Variants in AGBL2 observed in about 807,000 individuals in gnomAD.
The protein encoded by AGBL2 is AGBL carboxypeptidase 2.
A neutral mutation model predicts 103.0 loss-of-function variants in AGBL2; 87 were observed. That is an observed-to-expected ratio of 0.84 (90% CI 0.71 to 1.01). AGBL2 has a LOEUF of 1.01. Among genes scored for constraint, AGBL2 ranks in the 50% least tolerant of loss-of-function variants. The probability of loss-of-function intolerance (pLI) is 0.00; values close to 1 mark genes in which losing one functional copy is unlikely to be tolerated. For missense variants in AGBL2, 904 were observed against 1,023.5 expected, an observed-to-expected ratio of 0.88 and a Z score of 1.59; for synonymous variants, 335 against 356.7, an observed-to-expected ratio of 0.94 and a Z score of 0.69.
Position 47,714,225 on chromosome 11 carries a change from C to T in AGBL2, c.97+59G>A, listed in dbSNP as rs183610669. 5 of 1,362,362 alleles carry T rather than the reference C, an allele frequency of 3.7e-6. No homozygotes were observed. In the Admixed American group the frequency reaches 7.0e-5, roughly 19 times the overall value. The allele number at this position is 1,362,362 out of a possible 1,614,324, so 84.4% of individuals were successfully genotyped here. On this transcript the variant is annotated intron_variant, in intron 3 of 18. Coordinates refer to ENST00000525123, the MANE Select transcript of AGBL2 (RefSeq NM_024783.4). ...ACCCAAGTGCAACCCTCCCAGCTAA[C>T]GAAGCAATTTTCCTCTTGAGTCCAG...
chr11:47,662,998 A>C, intron 18 of AGBL2, 28 bp downstream of exon 18: 1 of 1,477,196 alleles, frequency 6.8e-7, no homozygotes, highest in Non-Finnish European at 9.3e-7. Flanking sequence ...CTGGCATATA[A>C]GTATATACAG....
chr11:47,707,474 T>C (rs751851243), intron 4 of AGBL2, among the ~76,000 whole-genome samples: 2 of 152,168 alleles, frequency 1.3e-5, no homozygotes, highest in Non-Finnish European at 2.9e-5. Flanking sequence ...AGAGAGCTTG[T>C]GCAGGGAAAC....
Position 47,681,994 on chromosome 11 carries a change from C to T in AGBL2, c.1890G>A (p.Glu630=). 3 of 1,614,108 alleles carry T rather than the reference C, an allele frequency of 1.9e-6. No individual in the cohort carries two copies. The highest frequency in any genetic ancestry group is 2.5e-6 in the Non-Finnish European group (3 of 1,180,010). The change falls in exon 12 of 19, where the codon GAG becomes GAA. Residue 630 remains glutamate, a synonymous_variant. Transcript: ENST00000525123. ...RMGILNSYTM[E]STFGGSTLGN... ...CCAGGGTGGACCCGCCAAAGGTAGA[C>T]TCCATGGTGTAGCTGTTTAGGATTC...
intron 14 of AGBL2, among the ~76,000 whole-genome samples, chr11:47,676,813 C>CAAAAAAAA (rs566335901): frequency 5.7e-5 from 4 of 69,818 alleles, no homozygotes; most frequent in Non-Finnish European, 9.1e-5. Flanking sequence ...GCCTCCATCT[C>CAAAAAAAA]AAAAAAAAAA....
At position 47,667,627 on chromosome 11, in the gene AGBL2, C is replaced by A; in HGVS notation, c.2284G>T (p.Glu762Ter). The change falls in exon 16 of 19, where the codon GAG becomes TAG. Residue 762 changes from glutamate to a stop codon, truncating the protein, a stop_gained. Coordinates refer to ENST00000525123, the MANE Select transcript of AGBL2 (RefSeq NM_024783.4). LOFTEE classifies it high-confidence loss of function. ...ATCAAATTTTTTTTCTGATACTGCT[C>A]ATTTCGCTGTTTCCTAGTCTGAAGT... ...KSLQTRKQRN[E>*]QYQKKNLMQK... The A allele has an allele frequency of 6.2e-7, 1 of 1,613,836 alleles. No homozygotes were observed. Among genetic ancestry groups the A allele is most frequent in the Non-Finnish European group, 8.5e-7 (1 of 1,179,838 alleles).
chr11:47,666,196 C>T (rs1381295961), intron 17 of AGBL2, among the ~76,000 whole-genome samples: 1 of 151,662 alleles, frequency 6.6e-6, no homozygotes, highest in Non-Finnish European at 1.5e-5. Context: ...CAGTTTGAGA[C>T]CAGCCTGGGC....
chr11:47,670,093 G>T (rs552875002), intron 14 of AGBL2, among the ~76,000 whole-genome samples: 15 of 152,358 alleles, frequency 9.8e-5, no homozygotes, highest in Non-Finnish European at 2.2e-4. Context: ...CTTGGTGGAG[G>T]TTGTGAGAGG....
chr11:47,691,878 CA>C (rs2153804350), intron 9 of AGBL2, among the ~76,000 whole-genome samples: 1 of 149,272 alleles, frequency 6.7e-6, no homozygotes, highest in South Asian at 2.1e-4. Flanking sequence ...TTTACTAATA[CA>C]AATTTTAGGT....
chr11:47,697,508 G>A (rs1184566941), intron 8 of AGBL2, among the ~76,000 whole-genome samples: 1 of 149,856 alleles, frequency 6.7e-6, no homozygotes, highest in African/African-American at 2.5e-5. Context: ...AAAGTGCTGG[G>A]ATTACAGGCG....
At chr11:47,685,298 T>C (rs1290881103) in intron 11 of AGBL2, among the ~76,000 whole-genome samples, 1 of 152,158 alleles carries the variant, frequency 6.6e-6, no homozygotes, top group Non-Finnish European at 1.5e-5. Flanking sequence ...TGTTTAGTAG[T>C]GGCAGGGGTC....
chr11:47,669,627 C>T (rs752697356), intron 14 of AGBL2, among the ~76,000 whole-genome samples: 8 of 151,766 alleles, frequency 5.3e-5, no homozygotes, highest in Non-Finnish European at 1.0e-4. Flanking sequence ...TGCAGTGAAC[C>T]GAGATTGCGC....
In AGBL2 at chr11:47,690,316, C is replaced by G; in HGVS notation, c.1391G>C (p.Gly464Ala). ...CATAACCCAGGAGCCATTACTTTCT[C>G]CAGGGTGAACTCTGGCACTCAAGAC... ...AVVLSARVHP[G>A]ESNGSWVMKG... Residue 464 changes from glycine to alanine, a missense_variant, in exon 10 of 19, where the codon GGA becomes GCA. By Grantham distance (60) the Gly-to-Ala change is moderately conservative. Transcript: ENST00000525123. 6.2e-7 allele frequency: 1 copy of G among 1,613,726 alleles called. No homozygotes were observed.
chr11:47,692,182 T>G lies in AGBL2; in HGVS notation c.769A>C (p.Thr257Pro). Reference protein sequence around the residue: ...KRGIVKELAVTLQGPEDNTLL... With the variant: ...KRGIVKELAVPLQGPEDNTLL... Reference sequence around the variant, plus strand: ...GTATTATCTTCTGGTCCTTGCAACGTGACAGCAAGTTCCTTGACAATTCCT... The same window carrying G: ...GTATTATCTTCTGGTCCTTGCAACGGGACAGCAAGTTCCTTGACAATTCCT... Residue 257 changes from threonine to proline, a missense_variant, in exon 9 of 19, where the codon ACG (threonine) becomes CCG (proline). Thr to Pro is a conservative substitution (Grantham distance 38). Transcript: ENST00000525123. 1 of 1,613,878 alleles carries G rather than the reference T, an allele frequency of 6.2e-7. No individual in the cohort carries two copies. The highest frequency in any genetic ancestry group is 8.5e-7 in the Non-Finnish European group (1 of 1,179,942).
chr11:47,680,191 C>T, intron 12 of AGBL2, 118 bp from the exon 13 acceptor site: 1 of 605,448 alleles, frequency 1.7e-6, no homozygotes, highest in Non-Finnish European at 2.8e-6. Flanking sequence ...GTGGTTTACG[C>T]CTGTAATCCC....
chr11:47,669,709 A>ACCGCACCCAGCT (rs1344652326), intron 14 of AGBL2, among the ~76,000 whole-genome samples: 1 of 151,378 alleles, frequency 6.6e-6, no homozygotes, highest in Non-Finnish European at 1.5e-5. Context: ...TTTTTTTTTG[A>ACCGCACCCAGCT]GACAGAGTCT....
chr11:47,682,995 A>G (rs2097407370), intron 11 of AGBL2, among the ~76,000 whole-genome samples: 1 of 152,118 alleles, frequency 6.6e-6, no homozygotes, highest in Admixed American at 6.6e-5. Flanking sequence ...AAGGAAAGAA[A>G]AGAAGGAAAG....
At chr11:47,685,351 C>T (rs1261968880) in intron 11 of AGBL2, among the ~76,000 whole-genome samples, 2 of 151,892 alleles carry the variant, frequency 1.3e-5, no homozygotes, top group Admixed American at 6.6e-5. Context: ...TGGGCTCAAG[C>T]AATATGCCCA....
At chr11:47,669,671 C>G (rs1213047801) in intron 14 of AGBL2, among the ~76,000 whole-genome samples, 1 of 148,574 alleles carries the variant, frequency 6.7e-6, no homozygotes, top group African/African-American at 2.5e-5. Context: ...AAGAGTGAAG[C>G]TGTCTCAATA....
chr11:47,660,379 A>G (rs916147451), intron 18 of AGBL2, 33 bp from the exon 19 acceptor site: 5 of 1,578,072 alleles, frequency 3.2e-6, no homozygotes, highest in Middle Eastern at 3.4e-4. Context: ...AGTTGAATTC[A>G]GTTTATTTTG....
Sources: gnomAD v4.1 joint callset for allele counts (sites outside exome capture counted in the v4.1 genomes callset) on GRCh38, gnomAD v4.1.1 for gene constraint, MANE v1.5 for transcripts, NCBI Gene and HGNC (gene_info 2026-07-23, HGNC 2026-07-21) for gene names.